Variants in FHIT observed in about 807,000 individuals in gnomAD.
FHIT encodes fragile histidine triad diadenosine triphosphatase.
Under a neutral mutation model 17.9 loss-of-function variants are expected in FHIT, and 19 were observed. The ratio of observed to expected loss-of-function variants is 1.06; its 90% CI spans 0.74 to 1.56. The LOEUF (loss-of-function observed/expected upper bound fraction) is 1.56. Among genes scored for constraint, FHIT ranks in the 40% most tolerant of loss-of-function variants. The probability of loss-of-function intolerance (pLI) is 0.00; values close to 1 mark genes in which losing one functional copy is unlikely to be tolerated. For missense variants in FHIT, 248 were observed against 189.2 expected (o/e 1.31, Z -1.82); for synonymous variants, 81 against 69.7 (o/e 1.16, Z -0.81).
At chr3:60,464,440 A>G (rs1379707812) in intron 5 of FHIT, among the ~76,000 whole-genome samples, 1 of 152,120 alleles carries the variant, frequency 6.6e-6, no homozygotes, top group Admixed American at 6.5e-5. Context: ...CTGTTATGCT[A>G]TCAAATACTA....
At chr3:60,040,226 A>G (rs1326272924) in intron 5 of FHIT, among the ~76,000 whole-genome samples, 2 of 151,806 alleles carry the variant, frequency 1.3e-5, no homozygotes, top group African/African-American at 2.4e-5. Context: ...GCTCACTGCA[A>G]CCTCCGCCTC....
intron 8 of FHIT, among the ~76,000 whole-genome samples, chr3:59,879,923 C>A (rs1162643703): frequency 1.2e-4 from 14 of 115,106 alleles, no homozygotes; most frequent in Non-Finnish European, 1.7e-4. Flanking sequence ...TCCCCCACCC[C>A]CCCCCCCCCG....
At chr3:59,920,594 G>C (rs1218370873) in intron 8 of FHIT, among the ~76,000 whole-genome samples, 1 of 152,162 alleles carries the variant, frequency 6.6e-6, no homozygotes, top group East Asian at 1.9e-4. Context: ...AGATTTCAAG[G>C]TGACTGTTCA....
chr3:61,192,843 G>A (rs1262998239), intron 2 of FHIT, among the ~76,000 whole-genome samples: 1 of 152,142 alleles, frequency 6.6e-6, no homozygotes, highest in East Asian at 1.9e-4. Context: ...ACTTATCATG[G>A]GAGTCATAAA....
At chr3:60,724,832 T>A (rs927220485) in intron 4 of FHIT, among the ~76,000 whole-genome samples, 7 of 151,816 alleles carry the variant, frequency 4.6e-5, no homozygotes, top group Non-Finnish European at 8.8e-5. Flanking sequence ...TCATTTTAGT[T>A]GAGATGGGGT....
chr3:60,525,963 C>T (rs370158303), intron 5 of FHIT, among the ~76,000 whole-genome samples: 26 of 151,896 alleles, frequency 1.7e-4, no homozygotes, highest in Admixed American at 3.9e-4. Context: ...ATTAGCTGGG[C>T]GTGGTGGCCC....
rs56046679 is a variant in FHIT, at chr3:60,699,689, T to TAA, written c.-18+122228_-18+122229dup. 8.2e-4 allele frequency among the ~76,000 whole-genome samples: 115 copies of TAA among 140,546 alleles called. 1 individual carries two copies. The highest frequency in any genetic ancestry group is 1.2e-3 in the Non-Finnish European group (77 of 66,190). 92.2% of individuals were successfully genotyped at this position (140,546 alleles called of 152,430 possible). ...ATGTACCCTAAAACTTAGAGTATAA[T>TAA]AAAAAAAAATTAAAAAAAAAAGCAT... On this transcript the variant is annotated intron_variant, in intron 4 of 9. Transcript: ENST00000492590.
At chr3:60,970,064 T>A (rs1303376591) in intron 3 of FHIT, among the ~76,000 whole-genome samples, 1 of 152,178 alleles carries the variant, frequency 6.6e-6, no homozygotes, top group Non-Finnish European at 1.5e-5. Flanking sequence ...ACTGAAGCGA[T>A]CTGCCTGCCT....
chr3:60,475,736 T>C (rs1184137735), intron 5 of FHIT, among the ~76,000 whole-genome samples: 2 of 152,192 alleles, frequency 1.3e-5, no homozygotes, highest in Admixed American at 6.5e-5. Flanking sequence ...ATATCTGAAA[T>C]GCTCCCAAAT....
chr3:60,642,951 T>C (rs946158943), intron 4 of FHIT, among the ~76,000 whole-genome samples: 29 of 152,232 alleles, frequency 1.9e-4, no homozygotes, highest in African/African-American at 6.8e-4. Flanking sequence ...CATACTGTCA[T>C]AGCATCTGGA....
chr3:60,569,755 A>ATATACATATATATATATATATATATT, intron 4 of FHIT, among the ~76,000 whole-genome samples: 9 of 77,340 alleles, frequency 1.2e-4, no homozygotes, highest in Middle Eastern at 8.8e-3. Flanking sequence ...ATATATATAT[A>ATATACATATATATATATATATATATT]TTTTTTTTTT....
chr3:60,366,813 A>G (rs1453480064), intron 5 of FHIT, among the ~76,000 whole-genome samples: 3 of 152,200 alleles, frequency 2.0e-5, no homozygotes, highest in Non-Finnish European at 4.4e-5. Flanking sequence ...CAGAAAATGG[A>G]CTAAGACAAT....
chr3:60,590,130 G>A (rs1559562493), intron 4 of FHIT, among the ~76,000 whole-genome samples: 1 of 151,976 alleles, frequency 6.6e-6, no homozygotes, highest in South Asian at 2.1e-4. Context: ...ATTTAAAATT[G>A]TAATTCAATT....
chr3:60,045,413 A>T (rs149043930), intron 5 of FHIT, among the ~76,000 whole-genome samples: 4,347 of 152,030 alleles, frequency 0.029, 112 homozygotes, highest in Middle Eastern at 0.092. Flanking sequence ...TTGTGCAGGG[A>T]AACTCCCCCT....
intron 7 of FHIT, among the ~76,000 whole-genome samples, chr3:59,960,842 C>T (rs1470465724): frequency 1.3e-5 from 2 of 152,278 alleles, no homozygotes; most frequent in East Asian, 3.9e-4. Flanking sequence ...ACCACTCCAA[C>T]TTTTGTAGAA....
chr3:60,078,654 A>G (rs544057030), intron 5 of FHIT, among the ~76,000 whole-genome samples: 11 of 152,298 alleles, frequency 7.2e-5, no homozygotes, highest in African/African-American at 2.6e-4. Context: ...TTCCTGGTTC[A>G]GTAATTACAC....
At chr3:60,614,483 A>G (rs1437756182) in intron 4 of FHIT, among the ~76,000 whole-genome samples, 1 of 152,162 alleles carries the variant, frequency 6.6e-6, no homozygotes, top group African/African-American at 2.4e-5. Context: ...AGATGCCTCT[A>G]ATCCCAACTA....
chr3:59,825,200 G>A (rs1216486329), intron 8 of FHIT, among the ~76,000 whole-genome samples: 2 of 152,096 alleles, frequency 1.3e-5, no homozygotes, highest in African/African-American at 4.8e-5. Context: ...CTGTCTTATT[G>A]CCTGTTTGCT....
intron 8 of FHIT, among the ~76,000 whole-genome samples, chr3:59,864,822 A>AAG (rs58009000): frequency 0.53 from 77,159 of 146,738 alleles, 21,240 homozygotes; most frequent in African/African-American, 0.71. Context: ...AATTATATGA[A>AAG]AGAGAGAGAG....
Sources: gnomAD v4.1 joint callset for allele counts (sites outside exome capture counted in the v4.1 genomes callset) on GRCh38, gnomAD v4.1.1 for gene constraint, MANE v1.5 for transcripts, NCBI Gene and HGNC (gene_info 2026-07-23, HGNC 2026-07-21) for gene names.